Variants in KCNH7 observed in about 807,000 individuals in gnomAD.
KCNH7 encodes the protein potassium voltage-gated channel subfamily H member 7.
A neutral mutation model predicts 120.8 loss-of-function variants in KCNH7; 49 were observed. The observed-to-expected ratio is 0.41, with a 90% CI of 0.32 to 0.51. KCNH7 has a LOEUF of 0.51. Among genes scored for constraint, KCNH7 ranks in the 20% least tolerant of loss-of-function variants. KCNH7 has a pLI of 0.38. For synonymous variants in KCNH7, 547 were observed against 516.1 expected (o/e 1.06, Z -0.81); for missense variants, 1,097 against 1,446.6 (o/e 0.76, Z 3.92).
intron 6 of KCNH7, among the ~76,000 whole-genome samples, 192 bp downstream of exon 6, chr2:162,504,251 A>G (rs1361389740): frequency 6.6e-6 from 1 of 152,052 alleles, no homozygotes; most frequent in Non-Finnish European, 1.5e-5. Flanking sequence ...GTCTTGTAAT[A>G]TATAAAATCA....
Position 162,838,546 on chromosome 2 carries a change from C to A in KCNH7, c.-28G>T. ...TGGCCCCGGTCTTCCGAGGAGCGCT[C>A]CCCCGGAGCTCTGGAGTTCTCCCGG... is the stretch of plus-strand genomic sequence containing the variant. On this transcript the variant is annotated 5_prime_UTR_variant, in exon 1 of 16. Transcript: ENST00000332142. 2 of 1,587,788 alleles carry A rather than the reference C, an allele frequency of 1.3e-6. No homozygotes were observed. Among genetic ancestry groups the A allele is most frequent in the East Asian group, 2.2e-5 (1 of 44,684 alleles).
chr2:162,439,141 CA>C (rs1688344902), intron 7 of KCNH7, among the ~76,000 whole-genome samples: 1 of 151,964 alleles, frequency 6.6e-6, no homozygotes, highest in South Asian at 2.1e-4. Flanking sequence ...ATGGAAATCC[CA>C]ATTTTTTGAT....
At chr2:162,536,879 T>C (rs755603644) in intron 3 of KCNH7, 46 bp downstream of exon 3, 5 of 1,517,192 alleles carry the variant, frequency 3.3e-6, no homozygotes, top group South Asian at 2.3e-5. Flanking sequence ...GTGACTACAG[T>C]AGCAGAATTA....
chr2:162,412,435 A>G (rs1687417289), intron 9 of KCNH7, among the ~76,000 whole-genome samples: 1 of 152,158 alleles, frequency 6.6e-6, no homozygotes, highest in South Asian at 2.1e-4. Flanking sequence ...TTTAATGTGA[A>G]GCATGGATGA....
intron 3 of KCNH7, among the ~76,000 whole-genome samples, chr2:162,527,403 C>T (rs1691747003): frequency 6.6e-6 from 1 of 151,930 alleles, no homozygotes; most frequent in African/African-American, 2.4e-5. Context: ...CTTTCAGCTC[C>T]AGTGGAGAAT....
chr2:162,795,409 T>G (rs1684109326), intron 2 of KCNH7: 3 of 152,020 alleles, frequency 2.0e-5, no homozygotes, highest in Admixed American at 2.0e-4. Flanking sequence ...CACCCTCTTT[T>G]TAAAGGACAT....
intron 6 of KCNH7, among the ~76,000 whole-genome samples, chr2:162,490,200 A>G (rs1424007117): frequency 2.0e-5 from 3 of 152,226 alleles, no homozygotes; most frequent in Non-Finnish European, 4.4e-5. Flanking sequence ...GATTGCCCAA[A>G]CATGCCCGCA....
intron 6 of KCNH7, among the ~76,000 whole-genome samples, chr2:162,463,792 AAAC>A (rs1689225735): frequency 1.3e-5 from 2 of 151,714 alleles, no homozygotes; most frequent in Admixed American, 1.3e-4. Context: ...TAATAAAAAA[AAAC>A]AACTATAACA....
chr2:162,681,661 C>T (rs1429860760), intron 2 of KCNH7, among the ~76,000 whole-genome samples: 1 of 151,638 alleles, frequency 6.6e-6, no homozygotes, highest in Non-Finnish European at 1.5e-5. Context: ...TGGAATGTTA[C>T]AGGTTTTATA....
At chr2:162,755,621 A>G (rs1249592258) in intron 2 of KCNH7, among the ~76,000 whole-genome samples, 5 of 152,220 alleles carry the variant, frequency 3.3e-5, no homozygotes, top group Admixed American at 3.3e-4. Context: ...AAAGATGTTC[A>G]CATTGAATAG....
chr2:162,525,194 T>C (rs933005916), intron 3 of KCNH7, among the ~76,000 whole-genome samples: 2 of 151,934 alleles, frequency 1.3e-5, no homozygotes, highest in Admixed American at 1.3e-4. Context: ...CAAGATCTTA[T>C]AGTAAGCAGT....
At chr2:162,591,351 T>C (rs1694211426) in intron 2 of KCNH7, among the ~76,000 whole-genome samples, 1 of 152,032 alleles carries the variant, frequency 6.6e-6, no homozygotes, top group South Asian at 2.1e-4. Flanking sequence ...GTGCCCAGCA[T>C]ATTACAAGCA....
At chr2:162,376,341 AG>A (rs1226624953) in intron 14 of KCNH7, among the ~76,000 whole-genome samples, 3 of 151,004 alleles carry the variant, frequency 2.0e-5, no homozygotes, top group Non-Finnish European at 4.4e-5. Context: ...TACATGTTCT[AG>A]GGCTTCCCTA....
chr2:162,405,073 G>T (rs1333450047), intron 9 of KCNH7, among the ~76,000 whole-genome samples: 2 of 151,870 alleles, frequency 1.3e-5, no homozygotes, highest in African/African-American at 4.8e-5. Context: ...CTCAAATACT[G>T]GCTTGTATGG....
chr2:162,707,970 ATCT>A (rs779851657), intron 2 of KCNH7, among the ~76,000 whole-genome samples: 1 of 151,168 alleles, frequency 6.6e-6, no homozygotes, highest in African/African-American at 2.4e-5. Flanking sequence ...TCCCTCTCTG[ATCT>A]TCTTAAAATT....
chr2:162,510,708 T>C (rs1338006458), intron 5 of KCNH7, among the ~76,000 whole-genome samples: 1 of 151,766 alleles, frequency 6.6e-6, no homozygotes, highest in East Asian at 1.9e-4. Flanking sequence ...TGTAGAAACC[T>C]GCATTTTTTA....
At chr2:162,780,105 CTT>C (rs1683418792) in intron 2 of KCNH7, among the ~76,000 whole-genome samples, 1 of 152,108 alleles carries the variant, frequency 6.6e-6, no homozygotes, top group Non-Finnish European at 1.5e-5. Context: ...CAAAATTCTT[CTT>C]GTCTCTCTTC....
chr2:162,825,045 G>T (rs1685235799), intron 2 of KCNH7, among the ~76,000 whole-genome samples: 1 of 151,886 alleles, frequency 6.6e-6, no homozygotes, highest in African/African-American at 2.4e-5. Context: ...ACATAGAAAG[G>T]AGGAAAAGTT....
intron 11 of KCNH7, among the ~76,000 whole-genome samples, chr2:162,396,287 G>A (rs1365563826): frequency 6.6e-6 from 1 of 151,712 alleles, no homozygotes; most frequent in African/African-American, 2.4e-5. Flanking sequence ...TATTAAATAG[G>A]AAACTAAACT....
Sources: gnomAD v4.1 joint callset for allele counts (sites outside exome capture counted in the v4.1 genomes callset) on GRCh38, gnomAD v4.1.1 for gene constraint, MANE v1.5 for transcripts, NCBI Gene and HGNC (gene_info 2026-07-23, HGNC 2026-07-21) for gene names.